Variants in GREB1 observed in about 807,000 individuals in gnomAD.
The protein encoded by GREB1 is growth regulating estrogen receptor binding 1.
In GREB1, 106 loss-of-function variants were observed where a neutral mutation model predicts 200.7. The observed-to-expected ratio is 0.53, with a 90% CI of 0.45 to 0.62. The LOEUF is 0.62. Ranked by LOEUF, GREB1 falls within the 20% of genes least tolerant of loss-of-function variation. The pLI is 0.00. For missense variants in GREB1, 2,243 were observed against 2,556.8 expected (o/e 0.88, Z 2.65); for synonymous variants, 1,132 against 1,092.4 (o/e 1.04, Z -0.72).
In GREB1 at chr2:11,618,536, C is replaced by T; in HGVS notation, c.3661C>T (p.Gln1221Ter). 6.2e-7 allele frequency: 1 copy of T among 1,612,582 alleles called. No individual in the cohort carries two copies. The highest frequency in any genetic ancestry group is 8.5e-7 in the Non-Finnish European group (1 of 1,179,792). The stretch of plus-strand genomic sequence containing the variant: ...GGTGTCGGTCACCTCGTCGTGCTCC[C>T]AGCTGTCCTCCTCCTCGGGCTCATC... ...VQVSVTSSCS[Q>*]LSSSSGSSSS... Residue 1221 changes from glutamine (Q) to a stop codon, truncating the protein, a stop_gained, in exon 22 of 33, where the codon CAG becomes TAG. Coordinates refer to ENST00000381486, the MANE Select transcript of GREB1 (RefSeq NM_014668.4). LOFTEE classifies it high-confidence loss of function.
intron 9 of GREB1, chr2:11,587,404 A>G: frequency 6.2e-7 from 1 of 1,613,130 alleles, no homozygotes; most frequent in Non-Finnish European, 8.5e-7. Flanking sequence ...GTGCTACCCA[A>G]ATGGTAGCCC....
Position 11,636,893 on chromosome 2 carries a change from G to C in GREB1, c.5347-823G>C, listed in dbSNP as rs369836211. Among the ~76,000 whole-genome samples the C allele has an allele frequency of 2.1e-5, 3 of 146,300 alleles. No individual in the cohort carries two copies. The South Asian group carries it at 6.8e-4, about 33-fold the overall frequency. ...AAGGACAGAGGCAGGGGCATGGACA[G>C]AGCCAGGGACATAGGTAGAGGCAGG... On this transcript the variant is annotated intron_variant, in intron 30 of 32. Coordinates refer to ENST00000381486, the MANE Select transcript of GREB1 (RefSeq NM_014668.4).
At chr2:11,562,385 G>A in intron 2 of GREB1, 78 bp from the exon 3 acceptor site, 1 of 1,574,126 alleles carries the variant, frequency 6.4e-7, no homozygotes, top group Non-Finnish European at 8.6e-7. Context: ...TGAGAATGCA[G>A]GCAGAGGAAA....
At chr2:11,525,117 A>C (rs1558501299) in intron 1 of GREB1, among the ~76,000 whole-genome samples, 1 of 152,194 alleles carries the variant, frequency 6.6e-6, no homozygotes, top group Non-Finnish European at 1.5e-5. Context: ...GCTGTGTTAC[A>C]TGCAGCCAAA....
At chr2:11,574,454 G>A (rs1029364139) in intron 4 of GREB1, among the ~76,000 whole-genome samples, 9 of 152,146 alleles carry the variant, frequency 5.9e-5, no homozygotes, top group Non-Finnish European at 1.0e-4. Context: ...GTGTACAGGT[G>A]GGGCCCCCAG....
At chr2:11,497,646 G>A (rs778610986) in intron 1 of GREB1, among the ~76,000 whole-genome samples, 11 of 152,114 alleles carry the variant, frequency 7.2e-5, no homozygotes, top group Non-Finnish European at 1.0e-4. Context: ...TGGTGTCACT[G>A]TTTTTTATTT....
intron 1 of GREB1, among the ~76,000 whole-genome samples, chr2:11,490,912 G>A (rs529569488): frequency 6.6e-6 from 1 of 152,266 alleles, no homozygotes; most frequent in East Asian, 1.9e-4. Flanking sequence ...AGGTCCTATG[G>A]GAACTCTAAG....
At chr2:11,500,459 A>T (rs1054212294) in intron 1 of GREB1, among the ~76,000 whole-genome samples, 88 of 141,660 alleles carry the variant, frequency 6.2e-4, no homozygotes, top group African/African-American at 2.2e-3. Flanking sequence ...GTGCCTGGCC[A>T]TTTTTTTTTT....
chr2:11,576,484 A>G lies in GREB1; in HGVS notation c.586A>G (p.Asn196Asp). ...ACACTTGAAGTATTACCTGGTCCGTAATGCACAAGGGACTCTAACCAAAGG... is the reference window on the plus strand; with the variant it reads ...ACACTTGAAGTATTACCTGGTCCGTGATGCACAAGGGACTCTAACCAAAGG... ...QKHLKYYLVR[N>D]AQGTLTKGPL... Residue 196 changes from asparagine to aspartate, a missense_variant, in exon 5 of 33, where the codon AAT becomes GAT. Asn to Asp is a conservative substitution (Grantham distance 23). Coordinates refer to ENST00000381486, the MANE Select transcript of GREB1 (RefSeq NM_014668.4). The G allele has an allele frequency of 6.2e-7, 1 of 1,614,098 alleles. No individual in the cohort carries two copies. Among genetic ancestry groups the G allele is most frequent in the Non-Finnish European group, 8.5e-7 (1 of 1,179,952 alleles).
intron 4 of GREB1, among the ~76,000 whole-genome samples, chr2:11,570,668 G>C (rs369970344): frequency 1.3e-5 from 2 of 151,814 alleles, no homozygotes; most frequent in South Asian, 4.2e-4. Context: ...ATATTTTTAA[G>C]GATATTTAGA....
In GREB1 at chr2:11,633,086, C is replaced by T. The variant is rs762027833; in HGVS notation, c.4991+23C>T. ...CAGGTGAGGTAACCTGAGAGCACCA[C>T]CTCCTGCCACCCTACGAATGATGAC... On this transcript the variant is annotated intron_variant, in intron 28 of 32. Transcript: ENST00000381486. This position sits in a 1 kb window ranked among gnomAD's most constrained non-coding sequence, Gnocchi z 4.1. The T allele has an allele frequency of 8.7e-6, 14 of 1,610,256 alleles. No individual in the cohort carries two copies. The Admixed American group carries it at 2.0e-4, about 23-fold the overall frequency.
At chr2:11,539,757 G>A (rs1380397893) in intron 1 of GREB1, 1 of 152,126 alleles carries the variant, frequency 6.6e-6, no homozygotes, top group Non-Finnish European at 1.5e-5. Context: ...GGCAGGCGCT[G>A]GGGCAGATGA....
intron 1 of GREB1, among the ~76,000 whole-genome samples, chr2:11,494,541 GGA>G (rs1272235334): frequency 2.6e-5 from 4 of 152,202 alleles, no homozygotes; most frequent in African/African-American, 9.7e-5. Context: ...CTAGAAATCC[GGA>G]GTCCATTCCT....
At chr2:11,534,590 T>A (rs1674205951) in intron 1 of GREB1, among the ~76,000 whole-genome samples, 1 of 152,138 alleles carries the variant, frequency 6.6e-6, no homozygotes, top group Admixed American at 6.5e-5. Context: ...TGGGGGCCCC[T>A]CAGCAGTAAA....
At chr2:11,626,207 A>G (rs1684438025) in intron 24 of GREB1, among the ~76,000 whole-genome samples, 1 of 152,158 alleles carries the variant, frequency 6.6e-6, no homozygotes, top group Admixed American at 6.5e-5. Flanking sequence ...TGCTCTCAGA[A>G]TAGATCCCTT....
In GREB1 at chr2:11,638,787, G is replaced by GA; in HGVS notation, c.5669dup (p.Phe1891ValfsTer39). 6.2e-7 allele frequency: 1 copy of GA among 1,613,750 alleles called. No homozygotes were observed. Among genetic ancestry groups the GA allele is most frequent in the Non-Finnish European group, 8.5e-7 (1 of 1,179,912 alleles). On this transcript the variant is annotated frameshift_variant, in exon 32 of 33. Transcript: ENST00000381486. LOFTEE classifies it high-confidence loss of function. ...ACTCTTTTGTGGGAGCTAGCTTTTT[G>GA]AAAAAGTTTCATTTTCTGAAAGGTA... is the stretch of plus-strand genomic sequence containing the variant.
chr2:11,598,282 G>A (rs1681449072), intron 14 of GREB1, among the ~76,000 whole-genome samples: 1 of 152,214 alleles, frequency 6.6e-6, no homozygotes, highest in Non-Finnish European at 1.5e-5. Context: ...TAACCACAGA[G>A]TACACAGATG....
intron 9 of GREB1, chr2:11,587,693 TAACACACACA>T (rs67140968): frequency 0.12 from 114,175 of 974,772 alleles, 2,469 homozygotes; most frequent in Non-Finnish European, 0.13. Context: ...GAGTACAAGA[TAACACACACA>T]CACACACACA....
chr2:11,559,859 C>T (rs1676815325), intron 2 of GREB1, among the ~76,000 whole-genome samples: 1 of 152,150 alleles, frequency 6.6e-6, no homozygotes, highest in Non-Finnish European at 1.5e-5. Context: ...TCTCTTCACA[C>T]CTTTCCTACC....
Sources: allele counts gnomAD v4.1 joint callset (sites outside exome capture counted in the v4.1 genomes callset), GRCh38; gene constraint gnomAD v4.1.1; non-coding constraint Gnocchi (gnomAD v3.1); transcripts MANE v1.5; gene names NCBI Gene and HGNC (gene_info 2026-07-23, HGNC 2026-07-21).